Variants in CAMK4 observed in about 807,000 individuals in gnomAD.
CAMK4 encodes calcium/calmodulin dependent protein kinase IV.
CAMK4 carries 22 observed loss-of-function variants against 44.9 expected under a neutral mutation model. The ratio of observed to expected loss-of-function variants is 0.49; its 90% CI spans 0.35 to 0.70. CAMK4 has a LOEUF of 0.70. Ranked by LOEUF, CAMK4 falls within the 30% of genes least tolerant of loss-of-function variation. CAMK4 has a pLI of 0.01. For synonymous variants in CAMK4, 218 were observed against 215.4 expected, an observed-to-expected ratio of 1.01 and a Z score of -0.11; for missense variants, 498 against 586.8, an observed-to-expected ratio of 0.85 and a Z score of 1.56.
chr5:111,385,095 A>C (rs1751551508), intron 4 of CAMK4, among the ~76,000 whole-genome samples: 1 of 152,194 alleles, frequency 6.6e-6, no homozygotes, highest in Non-Finnish European at 1.5e-5. Context: ...TAGGGATTAT[A>C]ATGACTACAA....
Position 111,370,936 on chromosome 5 carries a change from G to T in CAMK4, c.241-3914G>T, listed in dbSNP as rs575065087. Among the ~76,000 whole-genome samples, 45 of 73,750 alleles carry T rather than the reference G, an allele frequency of 6.1e-4. 1 individual carries two copies. The highest frequency in any genetic ancestry group is 2.2e-3 in the African/African-American group (44 of 19,754). The allele number at this position is 73,750 out of a possible 152,430, so 48.4% of individuals were successfully genotyped here. A position where few individuals can be genotyped will look rare whatever the true frequency, so the allele number is the denominator to read the frequency against. On this transcript the variant is annotated intron_variant, in intron 2 of 10. Coordinates refer to ENST00000282356, the MANE Select transcript of CAMK4 (RefSeq NM_001744.6). ...CTCAAAAAACAAAAACAAAAACAAC[G>T]TGTATCCTTATGTTTTAATAGCATC...
chr5:111,365,326 G>A (rs1750751754), intron 2 of CAMK4: 1 of 152,122 alleles, frequency 6.6e-6, no homozygotes, highest in Non-Finnish European at 1.5e-5. Flanking sequence ...TGGTTCAGTT[G>A]ATGGTAACAA....
At chr5:111,280,102 C>T (rs976165494) in intron 1 of CAMK4, among the ~76,000 whole-genome samples, 5 of 152,094 alleles carry the variant, frequency 3.3e-5, no homozygotes, top group African/African-American at 4.8e-5. Context: ...ATGAAAAGAA[C>T]GTGAATATCT....
intron 1 of CAMK4, among the ~76,000 whole-genome samples, chr5:111,321,291 A>G (rs1334794593): frequency 2.0e-5 from 3 of 152,172 alleles, no homozygotes; most frequent in African/African-American, 7.2e-5. Context: ...GCTGTATTCA[A>G]GAGAAGCTGG....
At chr5:111,341,804 C>T (rs1224391641) in intron 1 of CAMK4, among the ~76,000 whole-genome samples, 2 of 151,228 alleles carry the variant, frequency 1.3e-5, no homozygotes, top group African/African-American at 4.8e-5. Flanking sequence ...ACAAAGAGGT[C>T]ATGTAACTTG....
At chr5:111,419,973 C>T (rs1334092108) in intron 5 of CAMK4, among the ~76,000 whole-genome samples, 27 of 152,040 alleles carry the variant, frequency 1.8e-4, no homozygotes. Flanking sequence ...TTTTCCAATT[C>T]TGTGAAGAAA....
intron 5 of CAMK4, among the ~76,000 whole-genome samples, chr5:111,407,801 C>T (rs2112888587): frequency 1.3e-5 from 2 of 152,206 alleles, no homozygotes; most frequent in East Asian, 1.9e-4. Context: ...ATAGCCTCTA[C>T]CTACTGCAGG....
intron 1 of CAMK4, among the ~76,000 whole-genome samples, chr5:111,235,492 C>T (rs1158845772): frequency 1.3e-5 from 2 of 152,142 alleles, no homozygotes; most frequent in Non-Finnish European, 2.9e-5. Flanking sequence ...CTCTTTTTCC[C>T]CTCAATGTGA....
rs116422321 is a variant in CAMK4, at chr5:111,434,024, C to T, written c.460-12662C>T. ...CAAATGTAATAGTGCTGGCCTTGCGCGGTGGCTCATGCCTGTAATTCCAGC... is the reference window on the plus strand; with the variant it reads ...CAAATGTAATAGTGCTGGCCTTGCGTGGTGGCTCATGCCTGTAATTCCAGC... On this transcript the variant is annotated intron_variant, in intron 5 of 10. Transcript: ENST00000282356. Among the ~76,000 whole-genome samples the T allele has an allele frequency of 7.2e-3, 1,101 of 152,188 alleles. 10 individuals carry two copies. Among genetic ancestry groups the T allele is most frequent in the African/African-American group, 0.025 (1,023 of 41,538 alleles).
intron 5 of CAMK4, among the ~76,000 whole-genome samples, chr5:111,422,631 C>T (rs1341491311): frequency 6.6e-6 from 1 of 152,188 alleles, no homozygotes; most frequent in Non-Finnish European, 1.5e-5. Flanking sequence ...AACATTTGGA[C>T]TATTTTTGTT....
At chr5:111,458,926 G>A (rs6889265) in intron 7 of CAMK4, among the ~76,000 whole-genome samples, 7,222 of 152,172 alleles carry the variant, frequency 0.047, 556 homozygotes, top group African/African-American at 0.16. Flanking sequence ...TAACAACTGA[G>A]GGAATGGAGT....
intron 5 of CAMK4, among the ~76,000 whole-genome samples, chr5:111,408,115 A>AG (rs1311879221): frequency 1.4e-5 from 2 of 143,918 alleles, no homozygotes; most frequent in African/African-American, 5.8e-5. Flanking sequence ...TCAAAGAAAG[A>AG]AAGAGAGAGA....
intron 4 of CAMK4, among the ~76,000 whole-genome samples, chr5:111,383,395 A>G (rs1332705119): frequency 6.6e-6 from 1 of 152,204 alleles, no homozygotes. Flanking sequence ...ATGTAATTGT[A>G]CCTTGCTTAT....
At chr5:111,421,547 C>T (rs1257127818) in intron 5 of CAMK4, among the ~76,000 whole-genome samples, 1 of 152,188 alleles carries the variant, frequency 6.6e-6, no homozygotes, top group African/African-American at 2.4e-5. Flanking sequence ...CTAAATGCAT[C>T]CAAGTGGAAA....
Position 111,232,064 on chromosome 5 carries a change from C to T in CAMK4, c.161+7420C>T, listed in dbSNP as rs908103030. Reference sequence around the variant, plus strand: ...TTATTCCTTGTTATTTAATTCCATGCGTTTGTGCTACCTAAAGTCCTCTTG... The same window carrying T: ...TTATTCCTTGTTATTTAATTCCATGTGTTTGTGCTACCTAAAGTCCTCTTG... On this transcript the variant is annotated intron_variant, in intron 1 of 10. Coordinates refer to ENST00000282356, the MANE Select transcript of CAMK4 (RefSeq NM_001744.6). 4.6e-5 allele frequency among the ~76,000 whole-genome samples: 7 copies of T among 152,184 alleles called. No individual in the cohort carries two copies. In the East Asian group the frequency reaches 1.2e-3, roughly 25 times the overall value.
chr5:111,343,910 TA>T (rs1212589937), intron 1 of CAMK4, 113 bp from the exon 2 acceptor site: 3 of 639,546 alleles, frequency 4.7e-6, no homozygotes, highest in Non-Finnish European at 8.4e-6. Context: ...ATAGAACTTA[TA>T]ATAAGCACTT....
At chr5:111,392,623 A>G (rs911824801) in intron 4 of CAMK4, among the ~76,000 whole-genome samples, 28 of 152,300 alleles carry the variant, frequency 1.8e-4, no homozygotes, top group African/African-American at 6.3e-4. Context: ...AGCACATAAA[A>G]TGGACCACAT....
At chr5:111,344,171 T>C in intron 2 of CAMK4, 69 bp downstream of exon 2, 1 of 957,190 alleles carries the variant, frequency 1.0e-6, no homozygotes, top group Non-Finnish European at 1.7e-6. Flanking sequence ...GAACCTGATT[T>C]GAAGAACAAA....
chr5:111,458,147 T>C (rs1000394446), intron 7 of CAMK4, among the ~76,000 whole-genome samples: 1 of 152,126 alleles, frequency 6.6e-6, no homozygotes, highest in Non-Finnish European at 1.5e-5. Context: ...CCTAAGGAGA[T>C]TGTGTCCCCA....
Sources: allele counts gnomAD v4.1 joint callset (sites outside exome capture counted in the v4.1 genomes callset), GRCh38; gene constraint gnomAD v4.1.1; transcripts MANE v1.5; gene names NCBI Gene and HGNC (gene_info 2026-07-23, HGNC 2026-07-21).